Variants in TCF12 observed in about 807,000 individuals in gnomAD.
TCF12 encodes transcription factor 12, also known as DNA-binding protein HTF4.
Under a neutral mutation model 86.0 loss-of-function variants are expected in TCF12, and 45 were observed. The observed-to-expected ratio is 0.52, with a 90% CI of 0.41 to 0.67. The LOEUF (loss-of-function observed/expected upper bound fraction) is 0.67. Ranked by LOEUF, TCF12 falls within the 30% of genes least tolerant of loss-of-function variation. The probability of loss-of-function intolerance (pLI) is 0.00; values close to 1 mark genes in which losing one functional copy is unlikely to be tolerated. For missense variants in TCF12, 881 were observed against 859.9 expected, an observed-to-expected ratio of 1.02 and a Z score of -0.31; for synonymous variants, 330 against 299.6, an observed-to-expected ratio of 1.10 and a Z score of -1.05.
At chr15:57,195,198 C>G (rs2057194564) in intron 7 of TCF12, among the ~76,000 whole-genome samples, 1 of 152,192 alleles carries the variant, frequency 6.6e-6, no homozygotes, top group South Asian at 2.1e-4. Flanking sequence ...CCACCGCACC[C>G]AGCCATCTCT....
At chr15:57,119,521 G>A (rs1371508253) in intron 5 of TCF12, among the ~76,000 whole-genome samples, 4 of 144,622 alleles carry the variant, frequency 2.8e-5, no homozygotes, top group African/African-American at 1.0e-4. Context: ...TTGAGACTCC[G>A]TAGTCAAGTA....
chr15:57,231,339 T>A (rs1404504499), intron 9 of TCF12, 82 bp downstream of exon 9: 3 of 1,137,886 alleles, frequency 2.6e-6, no homozygotes, highest in Non-Finnish European at 3.9e-6. Flanking sequence ...GGAAAGAGAA[T>A]ACCTATATTC....
At chr15:56,944,855 G>GA (rs1473620099) in intron 3 of TCF12, among the ~76,000 whole-genome samples, 71 of 152,256 alleles carry the variant, frequency 4.7e-4, no homozygotes, top group African/African-American at 1.7e-3. Context: ...TCTTCCATTT[G>GA]ATATATTAAG....
chr15:56,941,363 T>A (rs1177430354), intron 3 of TCF12, among the ~76,000 whole-genome samples: 1 of 142,310 alleles, frequency 7.0e-6, no homozygotes, highest in Non-Finnish European at 1.6e-5. Context: ...TGGGACCCTG[T>A]CTCAAAAAAA....
At chr15:57,142,718 T>C (rs1044843105) in intron 5 of TCF12, among the ~76,000 whole-genome samples, 1 of 152,210 alleles carries the variant, frequency 6.6e-6, no homozygotes, top group Admixed American at 6.5e-5. Flanking sequence ...TGAGGAGCCT[T>C]AGCAGACACC....
chr15:57,069,636 G>A (rs2069193784), intron 4 of TCF12, among the ~76,000 whole-genome samples: 1 of 151,308 alleles, frequency 6.6e-6, no homozygotes, highest in African/African-American at 2.4e-5. Flanking sequence ...GCTGTATGTA[G>A]AGATTTGGCT....
In TCF12 at chr15:57,126,883, G is replaced by A. The variant is rs200692100; in HGVS notation, c.325+34992G>A. Among the ~76,000 whole-genome samples, 24 of 152,144 alleles carry A rather than the reference G, an allele frequency of 1.6e-4. No homozygotes were observed. In the East Asian group the frequency reaches 4.2e-3, roughly 27 times the overall value. On this transcript the variant is annotated intron_variant, in intron 5 of 20. Transcript: ENST00000333725. ...TTTATCTGTCCAATGTGGCTATTTT[G>A]TGTCTTGGGAACATGGGTAGGGTCC...
At chr15:57,044,627 C>T (rs2957574) in intron 3 of TCF12, among the ~76,000 whole-genome samples, 85,975 of 151,632 alleles carry the variant, frequency 0.57, 24,604 homozygotes, top group Admixed American at 0.61. Context: ...TGCTTTTACC[C>T]GTTTTTCTGG....
At chr15:57,050,614 A>AG (rs2067546068) in intron 3 of TCF12, among the ~76,000 whole-genome samples, 1 of 152,226 alleles carries the variant, frequency 6.6e-6, no homozygotes, top group African/African-American at 2.4e-5. Context: ...AATTTTTGCC[A>AG]GTTTTTTTCT....
intron 3 of TCF12, among the ~76,000 whole-genome samples, chr15:57,012,302 T>A (rs1269944271): frequency 6.6e-6 from 1 of 152,198 alleles, no homozygotes; most frequent in Non-Finnish European, 1.5e-5. Flanking sequence ...GTAATAGATA[T>A]ATACACTGAG....
chr15:56,973,243 A>C (rs1037856437), intron 3 of TCF12, among the ~76,000 whole-genome samples: 18 of 152,090 alleles, frequency 1.2e-4, no homozygotes, highest in African/African-American at 4.3e-4. Flanking sequence ...TACATATATG[A>C]ATGTGTATGT....
chr15:56,961,409 C>T (rs2585083), intron 3 of TCF12, among the ~76,000 whole-genome samples: 3,774 of 152,158 alleles, frequency 0.025, 157 homozygotes, highest in African/African-American at 0.086. Flanking sequence ...ATCAGGTATC[C>T]AACCATATTA....
chr15:56,974,112 G>A (rs1260624811), intron 3 of TCF12, among the ~76,000 whole-genome samples: 1 of 152,110 alleles, frequency 6.6e-6, no homozygotes, highest in South Asian at 2.1e-4. Context: ...TCTCAATAAG[G>A]CCTGTATATT....
intron 5 of TCF12, among the ~76,000 whole-genome samples, chr15:57,162,044 C>T (rs934221942): frequency 5.3e-5 from 8 of 152,154 alleles, no homozygotes; most frequent in African/African-American, 1.9e-4. Context: ...CCTATACACA[C>T]TCACACCCCC....
chr15:57,043,930 T>G (rs2067059486), intron 3 of TCF12, among the ~76,000 whole-genome samples: 1 of 152,156 alleles, frequency 6.6e-6, no homozygotes, highest in African/African-American at 2.4e-5. Flanking sequence ...GTTTTTAAAG[T>G]TACCATATTA....
intron 3 of TCF12, among the ~76,000 whole-genome samples, chr15:56,957,256 CAGTT>C (rs1271376204): frequency 2.0e-5 from 3 of 152,140 alleles, no homozygotes; most frequent in Non-Finnish European, 2.9e-5. Flanking sequence ...CAGACTAAAA[CAGTT>C]AGTTTATGGT....
At chr15:56,999,499 A>G (rs1454229215) in intron 3 of TCF12, among the ~76,000 whole-genome samples, 1 of 152,176 alleles carries the variant, frequency 6.6e-6, no homozygotes, top group Non-Finnish European at 1.5e-5. Context: ...AACTTAGGTG[A>G]AATAGACTAA....
intron 3 of TCF12, among the ~76,000 whole-genome samples, chr15:56,936,513 G>A (rs2060476930): frequency 6.6e-6 from 1 of 152,028 alleles, no homozygotes; most frequent in Non-Finnish European, 1.5e-5. Context: ...CTTTGTTTTT[G>A]TCACATTGCT....
At chr15:57,248,154 T>TA in intron 13 of TCF12, 1 of 700,108 alleles carries the variant, frequency 1.4e-6, no homozygotes, top group South Asian at 1.5e-5. Context: ...AGAAGCCTCT[T>TA]AAACAGATTT....
Sources: allele counts gnomAD v4.1 joint callset (sites outside exome capture counted in the v4.1 genomes callset), GRCh38; gene constraint gnomAD v4.1.1; transcripts MANE v1.5; gene names NCBI Gene and HGNC (gene_info 2026-07-23, HGNC 2026-07-21).